The following NAV3 variants were observed in gnomAD, a reference collection of about 807,000 sequenced individuals.
The protein encoded by NAV3 is neuron navigator 3.
In NAV3, 87 loss-of-function variants were observed where a neutral mutation model predicts 244.7. The observed-to-expected ratio is 0.36, with a 90% confidence interval of 0.30 to 0.42. The LOEUF is 0.42. NAV3 is among the 20% of genes least tolerant of loss of function. The probability of loss-of-function intolerance (pLI) is 1.00; values close to 1 mark genes in which losing one functional copy is unlikely to be tolerated. For missense variants in NAV3, 2,663 were observed against 2,893.3 expected (o/e 0.92, Z 1.83); for synonymous variants, 1,126 against 1,042.2 (o/e 1.08, Z -1.55).
chr12:78,165,229 A>T (rs1957729131), intron 23 of NAV3, among the ~76,000 whole-genome samples: 1 of 152,086 alleles, frequency 6.6e-6, no homozygotes, highest in Non-Finnish European at 1.5e-5. Flanking sequence ...CTCAGGTTTT[A>T]AAATATCTAT....
intron 2 of NAV3, among the ~76,000 whole-genome samples, chr12:77,817,392 C>G (rs1009583489): frequency 1.3e-5 from 2 of 152,064 alleles, no homozygotes; most frequent in African/African-American, 4.8e-5. Context: ...TAAATCAAAT[C>G]CTCTGGAGAA....
rs531120133 is a variant in NAV3 at position 77,784,747 on chromosome 12, A to C, written c.73-155572A>C. ...TTAGAAGTGAGGCCATTCAGGGAAC[A>C]CAAAACCAGGACAATACATCTAAAG... On this transcript the variant is annotated intron_variant, in intron 2 of 8. Coordinates refer to the NAV3 transcript ENST00000550042. Among the ~76,000 whole-genome samples the C allele has an allele frequency of 6.6e-5, 10 of 152,294 alleles. No homozygotes were observed. The South Asian group carries it at 2.1e-3, about 32-fold the overall frequency.
In NAV3 at chr12:78,197,651, G is replaced by T. The variant is rs576823407; in HGVS notation, c.6446+250G>T. On this transcript the variant is annotated intron_variant, in intron 35 of 39. Transcript: ENST00000397909. Reference sequence around the variant, plus strand: ...AGTTATTATTTTTAGACTTACAATGGCTGTCATTAATTTGAGAAACCCTCT... The same window carrying T: ...AGTTATTATTTTTAGACTTACAATGTCTGTCATTAATTTGAGAAACCCTCT... Among the ~76,000 whole-genome samples, 13 of 151,896 alleles carry T rather than the reference G, an allele frequency of 8.6e-5. No homozygotes were observed. In the South Asian group the frequency reaches 1.7e-3, roughly 19 times the overall value.
rs2136814487 is a variant in NAV3 at position 78,021,756 on chromosome 12, A to G, written c.1917A>G (p.Ser639=). The change falls in exon 9 of 40, where the codon TCA becomes TCG. Residue 639 remains serine (S), a synonymous_variant. Coordinates refer to ENST00000397909, the MANE Select transcript of NAV3 (RefSeq NM_001024383.2). ...TVAPFIYRAH[S]ENEGTALPSA... ...TCATGGTTAATTTCAGGGCACATTC[A>G]GAAAATGAAGGTACCGCTTTACCAT... 1 of 1,607,596 alleles carries G rather than the reference A, an allele frequency of 6.2e-7. No homozygotes were observed. The highest frequency in any genetic ancestry group is 1.1e-5 in the South Asian group (1 of 90,630).
intron 2 of NAV3, among the ~76,000 whole-genome samples, chr12:77,661,686 T>G (rs1873456195): frequency 6.6e-6 from 1 of 152,086 alleles, no homozygotes; most frequent in Non-Finnish European, 1.5e-5. Flanking sequence ...CTTTTACCTT[T>G]AGAAATATAA....
intron 2 of NAV3, among the ~76,000 whole-genome samples, chr12:77,811,742 A>G (rs1473575259): frequency 6.6e-6 from 1 of 152,226 alleles, no homozygotes; most frequent in Non-Finnish European, 1.5e-5. Context: ...TTAAATTGAC[A>G]CTAAACAAAG....
At chr12:77,941,455 A>G (rs1427880756) in intron 3 of NAV3, among the ~76,000 whole-genome samples, 2 of 152,230 alleles carry the variant, frequency 1.3e-5, no homozygotes, top group Admixed American at 1.3e-4. Flanking sequence ...TGTCTGAACA[A>G]CTGGCTTAAA....
At chr12:77,590,163 G>A (rs1869841354) in intron 2 of NAV3, among the ~76,000 whole-genome samples, 1 of 143,710 alleles carries the variant, frequency 7.0e-6, no homozygotes, top group Admixed American at 7.0e-5. Flanking sequence ...AGGAACCCCA[G>A]TAGAGGCTGT....
chr12:77,937,076 T>C (rs1316013410), intron 1 of NAV3, among the ~76,000 whole-genome samples: 1 of 152,308 alleles, frequency 6.6e-6, no homozygotes, highest in African/African-American at 2.4e-5. Context: ...TTGGAGGGTC[T>C]CAAGTATCTT....
At chr12:77,988,164 C>T (rs565295040) in intron 5 of NAV3, among the ~76,000 whole-genome samples, 2 of 152,108 alleles carry the variant, frequency 1.3e-5, no homozygotes, top group Non-Finnish European at 2.9e-5. Context: ...GAATCACCTG[C>T]GGATTCTGTT....
intron 5 of NAV3, among the ~76,000 whole-genome samples, chr12:77,977,712 G>GCACACACACACACACACACA (rs540138192): frequency 7.0e-6 from 1 of 143,000 alleles, no homozygotes; most frequent in African/African-American, 2.6e-5. Flanking sequence ...ACACACACGC[G>GCACACACACACACACACACA]CACACACACA....
intron 34 of NAV3, among the ~76,000 whole-genome samples, chr12:78,196,979 G>A (rs192257875): frequency 6.6e-6 from 1 of 151,886 alleles, no homozygotes; most frequent in East Asian, 1.9e-4. Context: ...GAAATATGCC[G>A]TCATGTTTAT....
intron 9 of NAV3, among the ~76,000 whole-genome samples, chr12:78,041,499 G>C (rs1400368546): frequency 6.6e-6 from 1 of 152,128 alleles, no homozygotes; most frequent in African/African-American, 2.4e-5. Flanking sequence ...TTGTTCATTT[G>C]GTTTCAGATC....
At position 77,998,244 on chromosome 12, in the gene NAV3, T is replaced by C. The variant is rs1484283810; in HGVS notation, c.741-93T>C. On this transcript the variant is annotated intron_variant, in intron 6 of 39. Coordinates refer to ENST00000397909, the MANE Select transcript of NAV3 (RefSeq NM_001024383.2). ...TTTCTGCTAAATAGATTTTAGAACA[T>C]CATATGTTGTAAATTTCTGACTTTC... The C allele has an allele frequency of 6.7e-6, 6 of 899,374 alleles. No individual in the cohort carries two copies. The African/African-American group carries it at 1.0e-4, about 15-fold the overall frequency. 55.7% of individuals were successfully genotyped at this position (899,374 alleles called of 1,614,324 possible).
At chr12:77,900,558 A>T (rs1885163480) in intron 1 of NAV3, among the ~76,000 whole-genome samples, 1 of 151,378 alleles carries the variant, frequency 6.6e-6, no homozygotes, top group South Asian at 2.1e-4. Flanking sequence ...TGGCGTGTGC[A>T]CATGCACACG....
chr12:77,867,565 G>A (rs890312791), intron 1 of NAV3, among the ~76,000 whole-genome samples: 9 of 151,974 alleles, frequency 5.9e-5, no homozygotes, highest in Admixed American at 2.6e-4. Flanking sequence ...GACTACAAGC[G>A]CCCGCCACCA....
At chr12:77,902,254 T>A (rs190166188) in intron 1 of NAV3, among the ~76,000 whole-genome samples, 266 of 152,304 alleles carry the variant, frequency 1.7e-3, no homozygotes, top group Non-Finnish European at 3.1e-3. Flanking sequence ...ACTCTGTGAA[T>A]TGTTCAGTTC....
chr12:78,002,404 GGT>G (rs1873462802), intron 7 of NAV3, among the ~76,000 whole-genome samples: 1 of 152,100 alleles, frequency 6.6e-6, no homozygotes, highest in South Asian at 2.1e-4. Flanking sequence ...ATTCTAATCA[GGT>G]GTCTTCTGGT....
intron 38 of NAV3, among the ~76,000 whole-genome samples, chr12:78,203,014 G>A (rs1264968133): frequency 1.3e-5 from 2 of 152,018 alleles, no homozygotes; most frequent in African/African-American, 4.8e-5. Context: ...TTTTTTTGGT[G>A]AAAAACCTTA....
Sources: allele counts gnomAD v4.1 joint callset (sites outside exome capture counted in the v4.1 genomes callset), GRCh38; gene constraint gnomAD v4.1.1; transcripts MANE v1.5; gene names NCBI Gene and HGNC (gene_info 2026-07-23, HGNC 2026-07-21).